CDH18: variants seen among roughly 807,000 people sequenced by gnomAD.
The protein encoded by CDH18 is cadherin-18.
Under a neutral mutation model 67.9 loss-of-function variants are expected in CDH18, and 31 were observed. The observed-to-expected ratio is 0.46, with a 90% CI of 0.34 to 0.62. The LOEUF is 0.62. Ranked by LOEUF, CDH18 falls within the 20% of genes least tolerant of loss-of-function variation. The pLI is 0.01. For synonymous variants in CDH18, 362 were observed against 347.2 expected (o/e 1.04, Z -0.48); for missense variants, 890 against 975.5 (o/e 0.91, Z 1.17).
At chr5:20,296,225 C>G (rs1260875393) in intron 1 of CDH18, among the ~76,000 whole-genome samples, 3 of 150,382 alleles carry the variant, frequency 2.0e-5, no homozygotes, top group African/African-American at 4.9e-5. Context: ...CATACTTCCA[C>G]TAAGGTTTTT....
chr5:20,252,929 C>T (rs1390929001), intron 2 of CDH18, among the ~76,000 whole-genome samples: 2 of 137,678 alleles, frequency 1.5e-5, no homozygotes, highest in Admixed American at 1.5e-4. Flanking sequence ...GAGCGAGACT[C>T]CACCTCAAAA....
At chr5:20,106,347 C>A (rs1018860167) in intron 2 of CDH18, among the ~76,000 whole-genome samples, 1 of 152,144 alleles carries the variant, frequency 6.6e-6, no homozygotes. Flanking sequence ...GTTTTCTTAA[C>A]GCTGTTTACA....
chr5:19,813,219 CA>C (rs1778933211), intron 3 of CDH18, among the ~76,000 whole-genome samples: 1 of 151,880 alleles, frequency 6.6e-6, no homozygotes, highest in Non-Finnish European at 1.5e-5. Flanking sequence ...CAGCAAACCA[CA>C]ATGGCATGTG....
chr5:19,758,340 T>C (rs1450403695), intron 3 of CDH18, among the ~76,000 whole-genome samples: 1 of 152,132 alleles, frequency 6.6e-6, no homozygotes, highest in Non-Finnish European at 1.5e-5. Context: ...AAAAGGACAG[T>C]AATTATATGC....
chr5:19,840,028 G>A (rs548789609), intron 2 of CDH18, among the ~76,000 whole-genome samples: 1 of 151,982 alleles, frequency 6.6e-6, no homozygotes, highest in East Asian at 1.9e-4. Context: ...GGAGGTCGAG[G>A]TGGGCAGATC....
intron 5 of CDH18, among the ~76,000 whole-genome samples, chr5:19,691,693 T>TA (rs914931159): frequency 2.0e-5 from 3 of 151,660 alleles, no homozygotes; most frequent in Non-Finnish European, 4.4e-5. Context: ...ACTTCTAAAA[T>TA]AAAAACCACA....
intron 2 of CDH18, among the ~76,000 whole-genome samples, chr5:19,903,529 C>CTGTG (rs1178620155): frequency 1.6e-5 from 1 of 63,242 alleles, no homozygotes; most frequent in Non-Finnish European, 3.3e-5. Flanking sequence ...AATAATGACT[C>CTGTG]TGTGTGTGTG....
intron 2 of CDH18, among the ~76,000 whole-genome samples, chr5:19,844,990 T>C (rs554149362): frequency 6.6e-6 from 1 of 152,262 alleles, no homozygotes; most frequent in South Asian, 2.1e-4. Context: ...ATTATACATA[T>C]ACTGTACATT....
chr5:20,086,014 A>T (rs1393580779), intron 2 of CDH18, among the ~76,000 whole-genome samples: 1 of 152,250 alleles, frequency 6.6e-6, no homozygotes, highest in Non-Finnish European at 1.5e-5. Flanking sequence ...GCTAAAAGGT[A>T]GGCTTCTTGC....
At chr5:20,246,079 T>C (rs983854258) in intron 2 of CDH18, among the ~76,000 whole-genome samples, 3 of 152,160 alleles carry the variant, frequency 2.0e-5, no homozygotes, top group Admixed American at 6.5e-5. Flanking sequence ...AAATGTTATC[T>C]ACAGATTCAT....
At chr5:20,314,040 T>C (rs993256100) in intron 1 of CDH18, among the ~76,000 whole-genome samples, 1 of 152,044 alleles carries the variant, frequency 6.6e-6, no homozygotes, top group African/African-American at 2.4e-5. Context: ...AACAATGTGA[T>C]AGAATATGCA....
At chr5:20,301,885 T>C (rs1735970090) in intron 1 of CDH18, among the ~76,000 whole-genome samples, 1 of 146,316 alleles carries the variant, frequency 6.8e-6, no homozygotes, top group Non-Finnish European at 1.5e-5. Context: ...AATCAGCCCA[T>C]GAACAGTCAG....
At chr5:19,797,242 A>G (rs992750379) in intron 3 of CDH18, among the ~76,000 whole-genome samples, 2 of 151,966 alleles carry the variant, frequency 1.3e-5, no homozygotes, top group Non-Finnish European at 2.9e-5. Context: ...GAATGATTGA[A>G]TTAATATTGG....
intron 2 of CDH18, among the ~76,000 whole-genome samples, chr5:20,106,813 A>G (rs1746982040): frequency 6.6e-6 from 1 of 152,222 alleles, no homozygotes; most frequent in Admixed American, 6.5e-5. Context: ...TGTGTGGGTT[A>G]GGATTTTCTC....
intron 2 of CDH18, among the ~76,000 whole-genome samples, chr5:20,234,212 C>A (rs994514740): frequency 2.0e-5 from 3 of 152,128 alleles, no homozygotes; most frequent in African/African-American, 7.2e-5. Context: ...TAAGCAGGAT[C>A]ATCCAAGCAA....
At chr5:20,126,473 A>T (rs1748839700) in intron 2 of CDH18, among the ~76,000 whole-genome samples, 1 of 152,204 alleles carries the variant, frequency 6.6e-6, no homozygotes, top group African/African-American at 2.4e-5. Flanking sequence ...GATAACATCA[A>T]ACTGAAATAC....
intron 2 of CDH18, among the ~76,000 whole-genome samples, chr5:20,051,632 A>C (rs1186346129): frequency 6.6e-6 from 1 of 152,024 alleles, no homozygotes; most frequent in Non-Finnish European, 1.5e-5. Flanking sequence ...TAGTTGTGCT[A>C]GTCACCAAAA....
At position 20,075,282 on chromosome 5, in the gene CDH18, AT is replaced by A. The variant is rs367629817; in HGVS notation, c.-517-83269del. ...CACTCTGGTAGTCTGAGGCGGGTGG[AT>A]CACGAGGTCAGGAGATCGAGACCGT... On this transcript the variant is annotated intron_variant, in intron 2 of 14. Transcript: ENST00000507958. Among the ~76,000 whole-genome samples the A allele has an allele frequency of 1.9e-3, 282 of 152,266 alleles. 1 individual carries two copies. The highest frequency in any genetic ancestry group is 6.4e-3 in the African/African-American group (266 of 41,562).
In CDH18 at chr5:19,727,330, C is replaced by T. The variant is rs150835256; in HGVS notation, c.524-5864G>A. Among the ~76,000 whole-genome samples, 13 of 152,204 alleles carry T rather than the reference C, an allele frequency of 8.5e-5. No homozygotes were observed. In the East Asian group the frequency reaches 2.5e-3, roughly 29 times the overall value. Reference sequence around the variant, plus strand: ...CGGGCCTCTAATCTACATTGACTGGCATCCTTATAAAAATGAAAAATGTGG... The same window carrying T: ...CGGGCCTCTAATCTACATTGACTGGTATCCTTATAAAAATGAAAAATGTGG... On this transcript the variant is annotated intron_variant, in intron 4 of 12. Transcript: ENST00000382275.
Sources: gnomAD v4.1 joint callset for allele counts (sites outside exome capture counted in the v4.1 genomes callset) on GRCh38, gnomAD v4.1.1 for gene constraint, MANE v1.5 for transcripts, NCBI Gene and HGNC (gene_info 2026-07-23, HGNC 2026-07-21) for gene names.